The following MBNL2 variants were observed in gnomAD, a reference collection of about 807,000 sequenced individuals.
MBNL2 encodes the protein muscleblind-like protein 2.
MBNL2 carries 17 observed loss-of-function variants against 41.9 expected under a neutral mutation model. The ratio of observed to expected loss-of-function variants is 0.41; its 90% CI spans 0.28 to 0.61. The LOEUF (loss-of-function observed/expected upper bound fraction) is 0.61, where lower values mean the gene tolerates loss of function less well. Ranked by LOEUF, MBNL2 falls within the 20% of genes least tolerant of loss-of-function variation. MBNL2 has a pLI of 0.35. For missense variants in MBNL2, 336 were observed against 505.6 expected (o/e 0.66, Z 3.22); for synonymous variants, 195 against 182.9 (o/e 1.07, Z -0.53).
chr13:97,191,853 G>A, the MBNL2 span, among the ~76,000 whole-genome samples: 933 of 152,304 alleles, frequency 6.1e-3, 4 homozygotes, highest in South Asian at 0.022. Flanking sequence ...GGCCAGAAGG[G>A]ATCCCACACC....
At chr13:97,323,936 ATTCT>A (rs1249553170) in intron 2 of MBNL2, among the ~76,000 whole-genome samples, 1 of 152,200 alleles carries the variant, frequency 6.6e-6, no homozygotes, top group Non-Finnish European at 1.5e-5. Flanking sequence ...ATCCAATTAT[ATTCT>A]TTAAGTTATT....
chr13:97,203,726 C>G, the MBNL2 span, among the ~76,000 whole-genome samples: 1 of 152,292 alleles, frequency 6.6e-6, no homozygotes, highest in Middle Eastern at 3.4e-3. Flanking sequence ...TTTAAATACT[C>G]TATGTAATTC....
chr13:97,220,484 C>T (rs758063175), upstream of MBNL2, among the ~76,000 whole-genome samples: 16 of 152,284 alleles, frequency 1.1e-4, no homozygotes, highest in South Asian at 1.7e-3. Context: ...AGGAAGTTCA[C>T]TTGGGAAAAC....
intron 2 of MBNL2, among the ~76,000 whole-genome samples, chr13:97,286,531 A>G (rs1009057513): frequency 1.3e-5 from 2 of 152,230 alleles, no homozygotes; most frequent in African/African-American, 4.8e-5. Flanking sequence ...CTTTTAAAAC[A>G]TAAGTCACAG....
rs150216969 is a variant in MBNL2, at chr13:97,307,140, C to T, written c.175-27136C>T. Among the ~76,000 whole-genome samples the T allele has an allele frequency of 3.3e-3, 496 of 152,242 alleles. 4 individuals carry two copies. Among genetic ancestry groups the T allele is most frequent in the African/African-American group, 0.011 (469 of 41,532 alleles). ...GTGGGTTCCATCTCCCAGCATCCAA[C>T]ATAAATAAAAACGTCTTCAATAAAA... On this transcript the variant is annotated intron_variant, in intron 2 of 8. Coordinates refer to ENST00000679496, the MANE Select transcript of MBNL2 (RefSeq NM_001382683.1).
intron 1 of MBNL2, among the ~76,000 whole-genome samples, chr13:97,238,313 T>C (rs962778902): frequency 6.6e-6 from 1 of 152,072 alleles, no homozygotes; most frequent in African/African-American, 2.4e-5. Context: ...AAGCCTTACA[T>C]TGAAGGGAAT....
chr13:97,272,242 A>G (rs531292297), intron 1 of MBNL2, among the ~76,000 whole-genome samples: 20 of 152,206 alleles, frequency 1.3e-4, no homozygotes, highest in Non-Finnish European at 2.4e-4. Context: ...GTGTCTGTTC[A>G]TATCCATTGC....
the MBNL2 span, among the ~76,000 whole-genome samples, chr13:97,146,072 C>A: frequency 4.5e-3 from 677 of 152,050 alleles, 6 homozygotes; most frequent in African/African-American, 0.016. Context: ...CTCACTGCAA[C>A]CTCCACCTCC....
chr13:97,159,738 G>C, the MBNL2 span, among the ~76,000 whole-genome samples: 1 of 151,480 alleles, frequency 6.6e-6, no homozygotes, highest in South Asian at 2.1e-4. Context: ...ACTCTCTTCT[G>C]GCTTGTAGGG....
chr13:97,282,574 T>C (rs1032411689), intron 2 of MBNL2, among the ~76,000 whole-genome samples: 23 of 152,212 alleles, frequency 1.5e-4, no homozygotes, highest in Non-Finnish European at 2.6e-4. Flanking sequence ...GCATTGTTGG[T>C]GTGTGTGTGT....
intron 1 of MBNL2, among the ~76,000 whole-genome samples, chr13:97,271,813 C>T (rs2152918913): frequency 6.6e-6 from 1 of 152,290 alleles, no homozygotes; most frequent in South Asian, 2.1e-4. Context: ...TTTCTTTATC[C>T]AGCCTATTAT....
chr13:97,186,855 G>T, the MBNL2 span, among the ~76,000 whole-genome samples: 1 of 152,158 alleles, frequency 6.6e-6, no homozygotes, highest in African/African-American at 2.4e-5. Context: ...AAAAGGGGGT[G>T]GAAAGGGTGG....
chr13:97,383,923 G>A (rs1281585112), intron 8 of MBNL2, among the ~76,000 whole-genome samples: 1 of 150,050 alleles, frequency 6.7e-6, no homozygotes. Flanking sequence ...TTTTTGAGCG[G>A]GAGTCTCGTC....
At chr13:97,302,918 A>G (rs1273807616) in intron 2 of MBNL2, among the ~76,000 whole-genome samples, 1 of 152,226 alleles carries the variant, frequency 6.6e-6, no homozygotes, top group Non-Finnish European at 1.5e-5. Flanking sequence ...CAATCCCTAC[A>G]ATCATGTCAT....
intron 8 of MBNL2, among the ~76,000 whole-genome samples, chr13:97,374,686 C>G (rs1211096899): frequency 6.6e-6 from 1 of 152,226 alleles, no homozygotes; most frequent in Admixed American, 6.5e-5. Flanking sequence ...CCCCTGTGCC[C>G]GACCTCCTTT....
At chr13:97,185,808 C>T in the MBNL2 span, among the ~76,000 whole-genome samples, 1 of 152,246 alleles carries the variant, frequency 6.6e-6, no homozygotes, top group African/African-American at 2.4e-5. Flanking sequence ...TGTGTTAATT[C>T]ATCACAGCAG....
chr13:97,304,285 G>C (rs143526421), intron 2 of MBNL2, among the ~76,000 whole-genome samples: 1,885 of 152,296 alleles, frequency 0.012, 37 homozygotes, highest in African/African-American at 0.043. Context: ...TTTACCTAAA[G>C]TTTGTAGGGA....
At chr13:97,172,022 A>T in the MBNL2 span, among the ~76,000 whole-genome samples, 1 of 152,100 alleles carries the variant, frequency 6.6e-6, no homozygotes, top group African/African-American at 2.4e-5. Flanking sequence ...CTTTTTCCTT[A>T]TAAATTATCC....
the MBNL2 span, among the ~76,000 whole-genome samples, chr13:97,159,016 A>ATTGTG: frequency 6.7e-6 from 1 of 150,170 alleles, no homozygotes; most frequent in Non-Finnish European, 1.5e-5. Flanking sequence ...TCCCATTATT[A>ATTGTG]ATGTGTGGGA....
Sources: allele counts gnomAD v4.1 joint callset (sites outside exome capture counted in the v4.1 genomes callset), GRCh38; gene constraint gnomAD v4.1.1; transcripts MANE v1.5; gene names NCBI Gene and HGNC (gene_info 2026-07-23, HGNC 2026-07-21).